TANC2: variants seen among roughly 807,000 people sequenced by gnomAD.
TANC2 encodes the protein protein TANC2.
TANC2 carries 26 observed loss-of-function variants against 210.5 expected under a neutral mutation model. The ratio of observed to expected loss-of-function variants is 0.12; its 90% CI spans 0.09 to 0.17. The LOEUF (loss-of-function observed/expected upper bound fraction) is 0.17. TANC2 is among the 10% of genes least tolerant of loss of function. The pLI, the probability that TANC2 is intolerant of heterozygous loss-of-function variation, is 1.00. For missense variants in TANC2, 2,129 were observed against 2,608.9 expected (o/e 0.82, Z 4.01); for synonymous variants, 931 against 967.1 (o/e 0.96, Z 0.69).
intron 14 of TANC2, among the ~76,000 whole-genome samples, chr17:63,372,376 G>C (rs1160150141): frequency 6.6e-6 from 1 of 152,126 alleles, no homozygotes; most frequent in Non-Finnish European, 1.5e-5. Context: ...CAGTGTGGAA[G>C]GGTAAGGATC....
intron 4 of TANC2, among the ~76,000 whole-genome samples, chr17:63,118,421 C>T (rs2145103875): frequency 6.6e-6 from 1 of 152,190 alleles, no homozygotes; most frequent in South Asian, 2.1e-4. Flanking sequence ...TCTTAAAAGA[C>T]TCTTTGTTTT....
intron 3 of TANC2, among the ~76,000 whole-genome samples, chr17:63,078,120 AT>A (rs1255238675): frequency 2.6e-5 from 4 of 152,166 alleles, no homozygotes; most frequent in Non-Finnish European, 4.4e-5. Context: ...GTTTGATACA[AT>A]TTCTCAGAAG....
chr17:63,093,790 T>C (rs892643858), intron 3 of TANC2, among the ~76,000 whole-genome samples: 1 of 152,068 alleles, frequency 6.6e-6, no homozygotes, highest in Non-Finnish European at 1.5e-5. Flanking sequence ...TTTGTTTTCA[T>C]TTTTTTAGAG....
At chr17:63,379,662 C>G (rs1428877533) in intron 14 of TANC2, 56 bp from the exon 15 acceptor site, 2 of 1,339,132 alleles carry the variant, frequency 1.5e-6, no homozygotes. Flanking sequence ...GAGTGAGACT[C>G]CATCTCAATA....
chr17:63,169,156 C>T (rs183299703), intron 5 of TANC2, among the ~76,000 whole-genome samples: 1 of 152,180 alleles, frequency 6.6e-6, no homozygotes, highest in African/African-American at 2.4e-5. Context: ...CACTCATCCT[C>T]CCAAAGACAC....
intron 4 of TANC2, among the ~76,000 whole-genome samples, chr17:63,138,123 A>G (rs2039156049): frequency 1.3e-5 from 2 of 152,192 alleles, no homozygotes; most frequent in Non-Finnish European, 2.9e-5. Context: ...CAGAAACTTT[A>G]CATGTGCAAT....
At chr17:63,074,072 C>T in intron 3 of TANC2, 58 bp downstream of exon 3, 1 of 1,399,096 alleles carries the variant, frequency 7.1e-7, no homozygotes, top group Non-Finnish European at 9.8e-7. Context: ...ATATTTCTTT[C>T]TAGTACTTAA....
At chr17:63,318,713 G>T (rs2045394319) in intron 10 of TANC2, among the ~76,000 whole-genome samples, 2 of 152,106 alleles carry the variant, frequency 1.3e-5, no homozygotes, top group Admixed American at 6.5e-5. Flanking sequence ...CTATTGAATG[G>T]ATATTTTGTA....
chr17:63,311,562 A>G (rs1403164098), intron 9 of TANC2, among the ~76,000 whole-genome samples: 11 of 152,226 alleles, frequency 7.2e-5, no homozygotes, highest in Admixed American at 7.2e-4. Context: ...AAAGCCAAAT[A>G]GAGGAAACAG....
At position 63,260,495 on chromosome 17, in the gene TANC2, AT is replaced by A. The variant is rs1461590369; in HGVS notation, c.1034-7250del. 2.0e-5 allele frequency among the ~76,000 whole-genome samples: 3 copies of A among 152,228 alleles called. No individual in the cohort carries two copies. The South Asian group carries it at 6.2e-4, about 31-fold the overall frequency. ...TGTTTATACTAGGTGATCTTTTAAG[AT>A]TTCTCATCTGGGTGCGATGGCCCAC... On this transcript the variant is annotated intron_variant, in intron 8 of 27. Coordinates refer to ENST00000689528, the Ensembl canonical transcript of TANC2.
intron 4 of TANC2, chr17:63,117,203 TAAG>T (rs1393736240): frequency 5.3e-5 from 8 of 152,206 alleles, no homozygotes; most frequent in Admixed American, 3.3e-4. Flanking sequence ...TCCTGAATGT[TAAG>T]AAGAACATCC....
intron 19 of TANC2, among the ~76,000 whole-genome samples, chr17:63,403,812 A>G (rs1164428340): frequency 6.6e-6 from 1 of 152,234 alleles, no homozygotes; most frequent in African/African-American, 2.4e-5. Context: ...GAAGGAAGGA[A>G]AATGTTACTT....
chr17:63,237,318 T>C (rs1279298660), intron 7 of TANC2, among the ~76,000 whole-genome samples: 1 of 152,114 alleles, frequency 6.6e-6, no homozygotes, highest in Non-Finnish European at 1.5e-5. Flanking sequence ...AATGGGATTA[T>C]TTGTGAAGTT....
At chr17:63,383,261 T>C (rs2047670764) in intron 15 of TANC2, among the ~76,000 whole-genome samples, 2 of 152,138 alleles carry the variant, frequency 1.3e-5, no homozygotes, top group Non-Finnish European at 2.9e-5. Flanking sequence ...GTTGTACAGC[T>C]CTGTCGATTT....
chr17:63,213,479 A>G (rs2041944094), intron 7 of TANC2, among the ~76,000 whole-genome samples: 1 of 152,234 alleles, frequency 6.6e-6, no homozygotes. Flanking sequence ...ATGAAATTAT[A>G]TTTCAGTCAG....
At chr17:63,249,066 T>C (rs1365086418) in intron 8 of TANC2, among the ~76,000 whole-genome samples, 1 of 152,116 alleles carries the variant, frequency 6.6e-6, no homozygotes, top group African/African-American at 2.4e-5. Context: ...ATAGTTAAAA[T>C]AGATAAAACA....
chr17:63,046,325 CT>C (rs57550590), intron 2 of TANC2, among the ~76,000 whole-genome samples: 509 of 44,094 alleles, frequency 0.012, 5 homozygotes, highest in African/African-American at 0.055. Context: ...ACACCCAGCT[CT>C]TTTTTTTTTT....
chr17:62,986,370 G>T (rs1476777675), intron 1 of TANC2, among the ~76,000 whole-genome samples: 2 of 152,170 alleles, frequency 1.3e-5, no homozygotes, highest in African/African-American at 4.8e-5. Flanking sequence ...AGCCTTCAGG[G>T]TTATTTCTCA....
chr17:63,011,735 A>T (rs2033881273), intron 2 of TANC2, among the ~76,000 whole-genome samples: 1 of 152,108 alleles, frequency 6.6e-6, no homozygotes, highest in Non-Finnish European at 1.5e-5. Flanking sequence ...TATTAATATA[A>T]GGACTCCAGG....
Sources: allele counts gnomAD v4.1 joint callset (sites outside exome capture counted in the v4.1 genomes callset), GRCh38; gene constraint gnomAD v4.1.1; transcripts MANE v1.5; gene names NCBI Gene and HGNC (gene_info 2026-07-23, HGNC 2026-07-21).